ZNF641: variants seen among roughly 807,000 people sequenced by gnomAD.
ZNF641 encodes the protein zinc finger protein 641.
A neutral mutation model predicts 46.2 loss-of-function variants in ZNF641; 26 were observed. The ratio of observed to expected loss-of-function variants is 0.56; its 90% CI spans 0.41 to 0.78. The LOEUF (loss-of-function observed/expected upper bound fraction) is 0.78, where lower values mean the gene tolerates loss of function less well. Among genes scored for constraint, ZNF641 ranks in the 30% least tolerant of loss-of-function variants. The probability of loss-of-function intolerance (pLI) is 0.00; values close to 1 mark genes in which losing one functional copy is unlikely to be tolerated. For missense variants in ZNF641, 469 were observed against 517.8 expected, an observed-to-expected ratio of 0.91 and a Z score of 0.91; for synonymous variants, 163 against 187.9, an observed-to-expected ratio of 0.87 and a Z score of 1.09.
rs1458076628 is a variant in ZNF641, at chr12:48,341,309, T to C, written c.*1664A>G. The C allele has an allele frequency of 2.0e-6, 2 of 985,356 alleles. No individual in the cohort carries two copies. The highest frequency in any genetic ancestry group is 1.7e-5 in the African/African-American group (1 of 57,256). 61.0% of individuals were successfully genotyped at this position (985,356 alleles called of 1,614,324 possible). On this transcript the variant is annotated 3_prime_UTR_variant, in exon 6 of 6. Coordinates refer to ENST00000547026, the MANE Select transcript of ZNF641 (RefSeq NM_001172681.2). ...AAGAGAAAATATCCCACTTTGCTCCTCTTCCTCCCTAACCCCGAACTGCTC... is the reference window on the plus strand; with the variant it reads ...AAGAGAAAATATCCCACTTTGCTCCCCTTCCTCCCTAACCCCGAACTGCTC...
chr12:48,348,258 G>A lies in ZNF641; in HGVS notation c.-25-143C>T. On this transcript the variant is annotated intron_variant, in intron 1 of 5. Transcript: ENST00000547026. ...GGAAGATGAACTTTAAAAGCTTGAT[G>A]TGTTCCGATCAACGGAGCCTGCACC... 6.0e-6 allele frequency: 5 copies of A among 839,560 alleles called. No individual in the cohort carries two copies. In the South Asian group the frequency reaches 7.0e-5, roughly 12 times the overall value. 52.0% of individuals were successfully genotyped at this position (839,560 alleles called of 1,614,324 possible).
Position 48,343,513 on chromosome 12 carries a change from G to A in ZNF641, c.735C>T (p.Ser245=). 1 of 1,612,856 alleles carries A rather than the reference G, an allele frequency of 6.2e-7. No individual in the cohort carries two copies. Among genetic ancestry groups the A allele is most frequent in the South Asian group, 1.1e-5 (1 of 91,058 alleles). ...GGGGGCATGTGTGGGGTCTTAACAG[G>A]GAATCCATCTCTGTGCTACACAGCA... ...SNLLCSTEMD[S]LLRPHTCPQC... Residue 245 remains serine (S), a synonymous_variant, in exon 6 of 6, where the codon TCC becomes TCT. Transcript: ENST00000547026.
rs372565512 is a variant in ZNF641 at position 48,347,891 on chromosome 12, C to T, written c.184+16G>A. 3.6e-5 allele frequency: 58 copies of T among 1,612,960 alleles called. No individual in the cohort carries two copies. The African/African-American group carries it at 5.7e-4, about 16-fold the overall frequency. On this transcript the variant is annotated intron_variant, in intron 2 of 5. Coordinates refer to ENST00000547026, the MANE Select transcript of ZNF641 (RefSeq NM_001172681.2). ...GACTATGCACTGTGCTTCCCACACA[C>T]TCTGTGAGTTCTCACCCTTCTCCTG...
upstream of ZNF641, chr12:48,350,950 C>T (rs1327801249): frequency 1.1e-5 from 8 of 742,984 alleles, no homozygotes; most frequent in Non-Finnish European, 1.3e-5. Flanking sequence ...ACAGGAAATC[C>T]CCGCCCGCTT....
At position 48,343,432 on chromosome 12, in the gene ZNF641, G is replaced by C; in HGVS notation, c.816C>G (p.His272Gln). 1 of 1,614,120 alleles carries C rather than the reference G, an allele frequency of 6.2e-7. No homozygotes were observed. The highest frequency in any genetic ancestry group is 8.5e-7 in the Non-Finnish European group (1 of 1,179,942). Residue 272 changes from histidine to glutamine, a missense_variant, in exon 6 of 6, where the codon CAC becomes CAG. By Grantham distance (24) the His-to-Gln change is conservative. Transcript: ENST00000547026. ...GSHLARHQQTHTGERPYSCLK... is the reference protein window; with the variant it reads ...GSHLARHQQTQTGERPYSCLK... ...GGCAGCTGTAGGGTCTCTCCCCAGT[G>C]TGTGTTTGTTGATGCCTGGCAAGGT...
At position 48,338,110 on chromosome 12, in the gene ZNF641, G is replaced by A. The variant is rs182178754; in HGVS notation, c.*4863C>T. ...TTTGGAGGATGAGAGTGGTAAGTAT[G>A]AATTGACCCCTGCTTAGTAGGCTTA... On this transcript the variant is annotated 3_prime_UTR_variant, in exon 6 of 6. Transcript: ENST00000547026. 410 of 152,564 alleles carry A rather than the reference G, an allele frequency of 2.7e-3. 2 individuals carry two copies. The highest frequency in any genetic ancestry group is 4.2e-3 in the Non-Finnish European group (286 of 68,170). The allele number at this position is 152,564 out of a possible 1,614,324, so 9.5% of individuals were successfully genotyped here.
In ZNF641 at chr12:48,350,810, C is replaced by T. The variant is rs1337344764; in HGVS notation, c.-50G>A. On this transcript the variant is annotated 5_prime_UTR_variant, in exon 1 of 6. Coordinates refer to ENST00000547026, the MANE Select transcript of ZNF641 (RefSeq NM_001172681.2). ...CCCCCGGTAGGCTTGGCCCGCGGCC[C>T]GGTGCCTCCCTCCCGGGCGCCGCCT... 1.0e-4 allele frequency: 101 copies of T among 984,656 alleles called. No individual in the cohort carries two copies. The highest frequency in any genetic ancestry group is 1.1e-4 in the Non-Finnish European group (90 of 829,358). 61.0% of individuals were successfully genotyped at this position (984,656 alleles called of 1,614,324 possible).
chr12:48,335,105 G>C (rs1338722542), downstream of ZNF641, among the ~76,000 whole-genome samples: 1 of 152,166 alleles, frequency 6.6e-6, no homozygotes. Context: ...CAACACCCCT[G>C]GGGGAACTTT....
chr12:48,340,723 T>C lies in ZNF641; in HGVS notation c.*2250A>G, dbSNP rs549039021. 6.1e-6 allele frequency: 6 copies of C among 985,462 alleles called. No individual in the cohort carries two copies. The African/African-American group carries it at 8.7e-5, about 14-fold the overall frequency. 61.0% of individuals were successfully genotyped at this position (985,462 alleles called of 1,614,324 possible). ...ATTACAAATGTCTTTTTCTCAAAAG[T>C]GCGTTTCTGGTTTCTGTCAGATTCA... is the stretch of plus-strand genomic sequence containing the variant. On this transcript the variant is annotated 3_prime_UTR_variant, in exon 6 of 6. Transcript: ENST00000547026.
rs1367526480 is a variant in ZNF641, at chr12:48,338,150, G to A, written c.*4823C>T. ...TAGTAGGCTTAAAGCTGATAGAAAAGAAACTGGACAGTAGGCAGAGGAATA... is the reference window on the plus strand; with the variant it reads ...TAGTAGGCTTAAAGCTGATAGAAAAAAAACTGGACAGTAGGCAGAGGAATA... On this transcript the variant is annotated 3_prime_UTR_variant, in exon 6 of 6. Coordinates refer to ENST00000547026, the MANE Select transcript of ZNF641 (RefSeq NM_001172681.2). The A allele has an allele frequency of 6.6e-6, 1 of 152,284 alleles. No individual in the cohort carries two copies. The highest frequency in any genetic ancestry group is 1.5e-5 in the Non-Finnish European group (1 of 68,110). The allele number at this position is 152,284 out of a possible 1,614,324, so 9.4% of individuals were successfully genotyped here.
At chr12:48,346,726 C>T (rs1418586261) in intron 3 of ZNF641, among the ~76,000 whole-genome samples, 1 of 152,058 alleles carries the variant, frequency 6.6e-6, no homozygotes, top group East Asian at 1.9e-4. Context: ...AAACCCTAAC[C>T]TTGGCCAGGC....
rs1396144959 is a variant in ZNF641, at chr12:48,341,825, A to C, written c.*1148T>G. On this transcript the variant is annotated 3_prime_UTR_variant, in exon 6 of 6. Coordinates refer to ENST00000547026, the MANE Select transcript of ZNF641 (RefSeq NM_001172681.2). ...CCCAGAGATTCAAACCTAGACATAC[A>C]CATCCACAATTGTCTTAATCTCAGC... 1.0e-6 allele frequency: 1 copy of C among 985,438 alleles called. No individual in the cohort carries two copies. Among genetic ancestry groups the C allele is most frequent in the East Asian group, 1.1e-4 (1 of 8,826 alleles). 61.0% of individuals were successfully genotyped at this position (985,438 alleles called of 1,614,324 possible).
chr12:48,350,978 C>T, upstream of ZNF641: 2 of 389,118 alleles, frequency 5.1e-6, no homozygotes, highest in Non-Finnish European at 6.7e-6. Context: ...TCTGCGGCGG[C>T]GGAGGTGCGG....
chr12:48,345,768 C>T (rs576687833), intron 3 of ZNF641, among the ~76,000 whole-genome samples: 12 of 152,296 alleles, frequency 7.9e-5, no homozygotes, highest in African/African-American at 2.9e-4. Flanking sequence ...CTACAGGTGT[C>T]TACTCAGTCA....
At chr12:48,344,041 C>T (rs755053971) in intron 5 of ZNF641, among the ~76,000 whole-genome samples, 15 of 152,200 alleles carry the variant, frequency 9.9e-5, no homozygotes, top group Non-Finnish European at 1.6e-4. Context: ...AGAACCTGCA[C>T]ATAGTTTAAG....
intron 1 of ZNF641, among the ~76,000 whole-genome samples, chr12:48,348,854 AC>A (rs1333025861): frequency 6.6e-6 from 1 of 152,246 alleles, no homozygotes; most frequent in Non-Finnish European, 1.5e-5. Flanking sequence ...AAGAGTTTGA[AC>A]CAGAGCTGGA....
rs1291031317 is a variant in ZNF641 at position 48,337,637 on chromosome 12, C to T, written c.*5336G>A. 3 of 146,462 alleles carry T rather than the reference C, an allele frequency of 2.0e-5. No homozygotes were observed. The highest frequency in any genetic ancestry group is 6.9e-5 in the Admixed American group (1 of 14,526). The allele number at this position is 146,462 out of a possible 1,614,324, so 9.1% of individuals were successfully genotyped here. A position where few individuals can be genotyped will look rare whatever the true frequency, so the allele number is the denominator to read the frequency against. On this transcript the variant is annotated 3_prime_UTR_variant, in exon 6 of 6. Transcript: ENST00000547026. ...AGATTGAGACCATCCTGGCTAACACCGTGAAACCCCGTCTCTACTAAAAAA... is the reference window on the plus strand; with the variant it reads ...AGATTGAGACCATCCTGGCTAACACTGTGAAACCCCGTCTCTACTAAAAAA...
At chr12:48,346,486 T>G (rs1304733245) in intron 3 of ZNF641, among the ~76,000 whole-genome samples, 1 of 152,130 alleles carries the variant, frequency 6.6e-6, no homozygotes, top group African/African-American at 2.4e-5. Flanking sequence ...AGCTCTCCTA[T>G]TGCCTTCTGA....
chr12:48,345,358 T>C lies in ZNF641; in HGVS notation c.393A>G (p.Ile131Met). The change falls in exon 4 of 6, where the codon ATA becomes ATG. Residue 131 changes from isoleucine to methionine, a missense_variant. Ile to Met is a conservative substitution (Grantham distance 10). This residue lies in a region of ZNF641 where 25 missense variants were observed against 58.1 expected (regional missense o/e 0.43). Coordinates refer to ENST00000547026, the MANE Select transcript of ZNF641 (RefSeq NM_001172681.2). The stretch of plus-strand genomic sequence containing the variant: ...GGTCATGCTTACTCAGAGAGACTAC[T>C]ATCCCACAGTTTTCCTGCATGACAT... ...GEYVMQENCG[I>M]VVSLRFPIPK... 4 of 1,614,086 alleles carry C rather than the reference T, an allele frequency of 2.5e-6. No homozygotes were observed. Among genetic ancestry groups the C allele is most frequent in the Non-Finnish European group, 3.4e-6 (4 of 1,179,972 alleles).
Sources: gnomAD v4.1 joint callset for allele counts (sites outside exome capture counted in the v4.1 genomes callset) on GRCh38, gnomAD v4.1.1 for gene constraint, gnomAD v4.1.1 regional missense constraint, MANE v1.5 for transcripts, NCBI Gene and HGNC (gene_info 2026-07-23, HGNC 2026-07-21) for gene names.